The following TXNDC11 variants were observed in gnomAD, a reference collection of about 807,000 sequenced individuals.
TXNDC11 encodes the protein thioredoxin domain containing 11, also known as thioredoxin domain-containing protein 11.
In TXNDC11, 68 loss-of-function variants were observed where a neutral mutation model predicts 78.0. The ratio of observed to expected loss-of-function variants is 0.87; its 90% CI spans 0.72 to 1.07. The LOEUF (loss-of-function observed/expected upper bound fraction) is 1.07, where lower values mean the gene tolerates loss of function less well. Among genes scored for constraint, TXNDC11 ranks in the 50% least tolerant of loss-of-function variants. The pLI is 0.00. For synonymous variants in TXNDC11, 571 were observed against 495.2 expected (o/e 1.15, Z -2.03); for missense variants, 1,389 against 1,221.8 (o/e 1.14, Z -2.04).
rs778040424 is a variant in TXNDC11 at position 11,698,259 on chromosome 16, C to T, written c.973G>A (p.Glu325Lys). The T allele has an allele frequency of 7.4e-6, 12 of 1,614,088 alleles. 1 individual carries two copies. In the South Asian group the frequency reaches 1.2e-4, roughly 16 times the overall value. ...GGCCGCAGCCACCGAAAGAGCGTCT[C>T]CTGGTTTTCTAAGGCCCACTTACAG... ...NICKWALENQ[E>K]TLFRWLRPHG... Residue 325 changes from glutamate to lysine, a missense_variant, in exon 7 of 12, where the codon GAG (glutamate) becomes AAG (lysine). Coordinates refer to ENST00000283033, the MANE Select transcript of TXNDC11 (RefSeq NM_015914.7).
At chr16:11,693,924 C>T (rs1030223568) in intron 7 of TXNDC11, among the ~76,000 whole-genome samples, 2 of 152,100 alleles carry the variant, frequency 1.3e-5, no homozygotes, top group Non-Finnish European at 2.9e-5. Flanking sequence ...TAAGACTTCA[C>T]GATTTACTGT....
chr16:11,736,709 G>A (rs2052231350), intron 1 of TXNDC11, among the ~76,000 whole-genome samples: 1 of 152,188 alleles, frequency 6.6e-6, no homozygotes, highest in African/African-American at 2.4e-5. Context: ...ATTAGCTGGA[G>A]TTGGCTTGTA....
At chr16:11,680,209 G>A (rs942574613) in intron 11 of TXNDC11, among the ~76,000 whole-genome samples, 1 of 152,246 alleles carries the variant, frequency 6.6e-6, no homozygotes, top group African/African-American at 2.4e-5. Context: ...GTCAGGAAGA[G>A]CGTCCAGGGG....
Position 11,702,504 on chromosome 16 carries a change from C to A in TXNDC11, c.794-1940G>T, listed in dbSNP as rs573940797. 8.5e-5 allele frequency among the ~76,000 whole-genome samples: 13 copies of A among 152,182 alleles called. No homozygotes were observed. The South Asian group carries it at 2.7e-3, about 32-fold the overall frequency. ...CCAACATGGTGAAACCCTGTCTCTA[C>A]TAAAAATATAAAAATTATCCGGGTG... On this transcript the variant is annotated intron_variant, in intron 5 of 11. Transcript: ENST00000283033.
At chr16:11,716,952 T>G (rs2051542965) in intron 5 of TXNDC11, among the ~76,000 whole-genome samples, 1 of 151,942 alleles carries the variant, frequency 6.6e-6, no homozygotes, top group Non-Finnish European at 1.5e-5. Context: ...TCATCAAGAT[T>G]AGAAAGAAAG....
chr16:11,696,284 C>T (rs1017145312), intron 7 of TXNDC11, among the ~76,000 whole-genome samples: 6 of 152,134 alleles, frequency 3.9e-5, no homozygotes, highest in African/African-American at 1.2e-4. Flanking sequence ...CCTACAAGTC[C>T]GTCTCGAATA....
intron 5 of TXNDC11, among the ~76,000 whole-genome samples, chr16:11,709,215 G>A (rs928943527): frequency 6.6e-6 from 1 of 151,110 alleles, no homozygotes; most frequent in East Asian, 1.9e-4. Flanking sequence ...TGTGGTGTTT[G>A]CCAAGATATT....
At chr16:11,722,418 AC>A (rs1417114746) in intron 4 of TXNDC11, among the ~76,000 whole-genome samples, 1 of 152,088 alleles carries the variant, frequency 6.6e-6, no homozygotes, top group African/African-American at 2.4e-5. Flanking sequence ...GTTTACAATC[AC>A]TTCTTCCTTC....
Position 11,691,571 on chromosome 16 carries a change from T to A in TXNDC11, c.1619A>T (p.Lys540Ile). 1 of 1,614,224 alleles carries A rather than the reference T, an allele frequency of 6.2e-7. No individual in the cohort carries two copies. The highest frequency in any genetic ancestry group is 8.5e-7 in the Non-Finnish European group (1 of 1,180,054). The change falls in exon 8 of 12, where the codon AAA becomes ATA. Residue 540 changes from lysine (K) to isoleucine (I), a missense_variant. Lys to Ile is a moderately radical substitution (Grantham distance 102). Coordinates refer to ENST00000283033, the MANE Select transcript of TXNDC11 (RefSeq NM_015914.7). ...GGAGCTTGGGGCATCAACCTCACAT[T>A]TCTTCTCAAGGGAAGAAAATGCAAC... ...PTVAFSSLEK[K>I]CEVDAPSSVP... is the part of the protein sequence containing the mutation.
intron 11 of TXNDC11, 34 bp downstream of exon 11, chr16:11,684,131 C>A: frequency 6.8e-7 from 1 of 1,466,586 alleles, no homozygotes; most frequent in South Asian, 1.1e-5. Context: ...AAAAGAATCC[C>A]AACTGCCCAC....
intron 6 of TXNDC11, among the ~76,000 whole-genome samples, chr16:11,698,995 T>C (rs972574351): frequency 1.3e-5 from 2 of 152,232 alleles, no homozygotes; most frequent in Non-Finnish European, 2.9e-5. Flanking sequence ...TATGTGAACA[T>C]AAAATTATTT....
In TXNDC11 at chr16:11,691,954, C is replaced by T. The variant is rs774580053; in HGVS notation, c.1236G>A (p.Leu412=). The T allele has an allele frequency of 6.2e-7, 1 of 1,610,654 alleles. No individual in the cohort carries two copies. The highest frequency in any genetic ancestry group is 2.2e-5 in the East Asian group (1 of 44,812). ...ESLALEVPAQ[L]PDPPTITASP... ...ACGCTGTGATCGTTGGCGGGTCTGG[C>T]AGCTGTGCCGGCACTTCCAGGGCCA... Residue 412 remains leucine (L), a synonymous_variant, in exon 8 of 12, where the codon CTG becomes CTA. Transcript: ENST00000283033.
chr16:11,704,296 G>A (rs1325329137), intron 5 of TXNDC11, among the ~76,000 whole-genome samples: 2 of 152,022 alleles, frequency 1.3e-5, no homozygotes, highest in Non-Finnish European at 2.9e-5. Flanking sequence ...CTTTAAGGGA[G>A]AATTCCACTA....
At chr16:11,723,601 A>C (rs2051782025) in intron 4 of TXNDC11, among the ~76,000 whole-genome samples, 1 of 148,296 alleles carries the variant, frequency 6.7e-6, no homozygotes, top group Non-Finnish European at 1.5e-5. Context: ...AAAAACAAAC[A>C]AAAAAAAAAC....
chr16:11,730,694 A>G lies in TXNDC11; in HGVS notation c.650T>C (p.Leu217Pro). 6.2e-7 allele frequency: 1 copy of G among 1,613,904 alleles called. No individual in the cohort carries two copies. Among genetic ancestry groups the G allele is most frequent in the Non-Finnish European group, 8.5e-7 (1 of 1,179,838 alleles). The change falls in exon 4 of 12, where the codon CTC (leucine) becomes CCC (proline). Residue 217 changes from leucine (L) to proline (P), a missense_variant. Coordinates refer to ENST00000283033, the MANE Select transcript of TXNDC11 (RefSeq NM_015914.7). ...TAATTCTGATTGAGATGGGATGTAG[A>G]GAAGTGGTTTCATCACCCGGCGGAC... ...KFVRRVMKPL[L>P]YIPSQSELLD...
At position 11,742,748 on chromosome 16, in the gene TXNDC11, C is replaced by T; in HGVS notation, c.-18G>A. 2.1e-6 allele frequency: 3 copies of T among 1,445,006 alleles called. No homozygotes were observed. Among genetic ancestry groups the T allele is most frequent in the South Asian group, 1.4e-5 (1 of 70,440 alleles). The allele number at this position is 1,445,006 out of a possible 1,614,324, so 89.5% of individuals were successfully genotyped here. On this transcript the variant is annotated 5_prime_UTR_variant, in exon 1 of 12. Transcript: ENST00000283033. ...TCCGACATTACATGCTCCCAGTCGC[C>T]GGCTTTATACCGCCGCCGCCGCCTC...
At chr16:11,731,594 T>A (rs1257517211) in intron 3 of TXNDC11, among the ~76,000 whole-genome samples, 1 of 151,902 alleles carries the variant, frequency 6.6e-6, no homozygotes, top group Non-Finnish European at 1.5e-5. Context: ...AAACAGAAAT[T>A]GACATTAAGC....
At chr16:11,742,018 C>A in intron 1 of TXNDC11, 1 of 155,558 alleles carries the variant, frequency 6.4e-6, no homozygotes, top group South Asian at 2.0e-4. Context: ...GGACACAATG[C>A]GTGACTCCGT....
intron 1 of TXNDC11, among the ~76,000 whole-genome samples, chr16:11,737,952 A>G (rs1018268753): frequency 2.0e-5 from 3 of 152,174 alleles, no homozygotes; most frequent in African/African-American, 7.2e-5. Context: ...TAAACGAGAT[A>G]TATCTTAAAT....
Sources: allele counts gnomAD v4.1 joint callset (sites outside exome capture counted in the v4.1 genomes callset), GRCh38; gene constraint gnomAD v4.1.1; transcripts MANE v1.5; gene names NCBI Gene and HGNC (gene_info 2026-07-23, HGNC 2026-07-21).